Variants in MDFIC2 observed in about 807,000 individuals in gnomAD.
MDFIC2 encodes myoD family inhibitor domain-containing protein 2.
intron 2 of MDFIC2, among the ~76,000 whole-genome samples, chr3:70,221,844 A>G (rs533589945): frequency 3.3e-5 from 5 of 152,310 alleles, no homozygotes; most frequent in African/African-American, 1.2e-4. Context: ...CTGGGGCAAA[A>G]GTAATTGAGG....
At chr3:70,267,578 A>T (rs796413029) in intron 2 of MDFIC2, among the ~76,000 whole-genome samples, 55,478 of 132,630 alleles carry the variant, frequency 0.42, 12,449 homozygotes, top group Non-Finnish European at 0.51. Flanking sequence ...AATTTTTTGT[A>T]TTTTTTTTTT....
chr3:70,258,831 C>T (rs905871142), intron 2 of MDFIC2, among the ~76,000 whole-genome samples: 5 of 151,966 alleles, frequency 3.3e-5, no homozygotes, highest in East Asian at 1.9e-4. Context: ...CACACAAAAA[C>T]GCTGAGAGCA....
intron 2 of MDFIC2, among the ~76,000 whole-genome samples, chr3:70,250,453 AC>A (rs1701752483): frequency 6.7e-6 from 1 of 149,782 alleles, no homozygotes; most frequent in African/African-American, 2.5e-5. Context: ...ACACACACAA[AC>A]ACAAACCTCA....
chr3:70,249,776 A>G (rs1403556310), intron 2 of MDFIC2: 1 of 152,258 alleles, frequency 6.6e-6, no homozygotes, highest in East Asian at 1.9e-4. Flanking sequence ...TTATTTTGTT[A>G]AGATTAGAGT....
At chr3:70,207,363 G>A (rs1297904271) in intron 2 of MDFIC2, among the ~76,000 whole-genome samples, 5 of 151,988 alleles carry the variant, frequency 3.3e-5, no homozygotes, top group African/African-American at 9.7e-5. Flanking sequence ...TCCTATTCAG[G>A]TGATAGCCTG....
chr3:70,200,585 G>T (rs1292010538), intron 3 of MDFIC2, among the ~76,000 whole-genome samples: 1 of 152,062 alleles, frequency 6.6e-6, no homozygotes, highest in African/African-American at 2.4e-5. Context: ...TCACATCCTT[G>T]CTGAAACTCT....
chr3:70,274,381 G>C (rs1224817420), intron 2 of MDFIC2, among the ~76,000 whole-genome samples: 1 of 150,878 alleles, frequency 6.6e-6, no homozygotes, highest in East Asian at 1.9e-4. Context: ...AATATAGAAT[G>C]AGTATGTGAT....
intron 3 of MDFIC2, among the ~76,000 whole-genome samples, chr3:70,197,622 C>T (rs1442611876): frequency 6.6e-6 from 1 of 152,186 alleles, no homozygotes; most frequent in Non-Finnish European, 1.5e-5. Flanking sequence ...TTTCTTGTCA[C>T]TAGGCTTTGT....
intron 2 of MDFIC2, among the ~76,000 whole-genome samples, chr3:70,270,688 A>G (rs1701967582): frequency 6.6e-6 from 1 of 152,166 alleles, no homozygotes; most frequent in Non-Finnish European, 1.5e-5. Context: ...AAAATACACC[A>G]TGGAATACTA....
At chr3:70,293,403 A>T (rs1261515088) in intron 2 of MDFIC2, among the ~76,000 whole-genome samples, 1 of 152,170 alleles carries the variant, frequency 6.6e-6, no homozygotes. Context: ...AGAGCCAAGG[A>T]TACTTTGTAA....
At chr3:70,270,295 A>G (rs1310223861) in intron 2 of MDFIC2, among the ~76,000 whole-genome samples, 1 of 152,242 alleles carries the variant, frequency 6.6e-6, no homozygotes, top group African/African-American at 2.4e-5. Context: ...AATATTTCAA[A>G]GCATGGGAAA....
chr3:70,285,201 TC>T (rs1232967522), intron 2 of MDFIC2, among the ~76,000 whole-genome samples: 2 of 84,064 alleles, frequency 2.4e-5, no homozygotes, highest in African/African-American at 9.6e-5. Context: ...ATGCTATCCC[TC>T]CCCCCTCCCC....
chr3:70,307,942 A>T (rs1702418004), intron 2 of MDFIC2, among the ~76,000 whole-genome samples: 1 of 152,206 alleles, frequency 6.6e-6, no homozygotes, highest in Non-Finnish European at 1.5e-5. Flanking sequence ...TGCTCCCTGC[A>T]TCACCTCCTT....
intron 3 of MDFIC2, among the ~76,000 whole-genome samples, chr3:70,199,762 A>G (rs1701218809): frequency 6.6e-6 from 1 of 152,032 alleles, no homozygotes; most frequent in Non-Finnish European, 1.5e-5. Flanking sequence ...TGCCTGCACT[A>G]TTTCCTGGTG....
At chr3:70,222,494 G>T (rs986324590) in intron 2 of MDFIC2, among the ~76,000 whole-genome samples, 4 of 152,028 alleles carry the variant, frequency 2.6e-5, no homozygotes, top group South Asian at 2.1e-4. Flanking sequence ...GTTGGTTTTC[G>T]GTAAAGCAAT....
intron 2 of MDFIC2, among the ~76,000 whole-genome samples, chr3:70,221,394 G>C (rs921848035): frequency 6.6e-6 from 1 of 152,064 alleles, no homozygotes. Flanking sequence ...GAAGAAGGGC[G>C]CTGTGCCTTA....
intron 2 of MDFIC2, among the ~76,000 whole-genome samples, chr3:70,284,063 C>A (rs1443062763): frequency 2.0e-5 from 3 of 152,032 alleles, no homozygotes; most frequent in African/African-American, 7.2e-5. Context: ...CTGGAATGAA[C>A]TTGGTTTTAA....
intron 2 of MDFIC2, among the ~76,000 whole-genome samples, chr3:70,285,349 C>T (rs1453407220): frequency 1.3e-5 from 2 of 151,626 alleles, no homozygotes; most frequent in Admixed American, 6.6e-5. Context: ...AGAATGATGA[C>T]TTCCAATTTC....
intron 2 of MDFIC2, among the ~76,000 whole-genome samples, chr3:70,242,218 A>T (rs1427271634): frequency 6.6e-6 from 1 of 152,166 alleles, no homozygotes; most frequent in African/African-American, 2.4e-5. Context: ...TTTTTATATG[A>T]CACATCATTT....
Sources: allele counts gnomAD v4.1 joint callset (sites outside exome capture counted in the v4.1 genomes callset), GRCh38; gene constraint gnomAD v4.1.1; transcripts MANE v1.5; gene names NCBI Gene and HGNC (gene_info 2026-07-23, HGNC 2026-07-21).